The following SNX29 variants were observed in gnomAD, a reference collection of about 807,000 sequenced individuals.
SNX29 encodes the protein sorting nexin 29, also known as sorting nexin-29.
Under a neutral mutation model 102.1 loss-of-function variants are expected in SNX29, and 78 were observed. The ratio of observed to expected loss-of-function variants is 0.76; its 90% CI spans 0.64 to 0.92. The LOEUF (loss-of-function observed/expected upper bound fraction) is 0.92, where lower values mean the gene tolerates loss of function less well. Ranked by LOEUF, SNX29 falls within the 40% of genes least tolerant of loss-of-function variation. The probability of loss-of-function intolerance (pLI) is 0.00; values close to 1 mark genes in which losing one functional copy is unlikely to be tolerated. For synonymous variants in SNX29, 580 were observed against 414.5 expected (o/e 1.40, Z -4.85); for missense variants, 1,280 against 1,061.7 (o/e 1.21, Z -2.86).
rs1030848156 is a variant in SNX29, at chr16:12,573,975, G to A, written c.*5346G>A. The A allele has an allele frequency of 2.5e-5, 5 of 199,250 alleles. No individual in the cohort carries two copies. The highest frequency in any genetic ancestry group is 5.2e-5 in the Non-Finnish European group (5 of 96,482). The allele number at this position is 199,250 out of a possible 1,614,324, so 12.3% of individuals were successfully genotyped here. On this transcript the variant is annotated 3_prime_UTR_variant, in exon 21 of 21. Transcript: ENST00000566228. ...GGAGCGATGGTAACCCCACTAGGGGGCGCCCATGATCGGCTCCCAGTGCAC... is the reference window on the plus strand; with the variant it reads ...GGAGCGATGGTAACCCCACTAGGGGACGCCCATGATCGGCTCCCAGTGCAC...
chr16:12,264,113 G>T (rs8061068), intron 14 of SNX29, among the ~76,000 whole-genome samples: 2,408 of 152,292 alleles, frequency 0.016, 63 homozygotes, highest in African/African-American at 0.056. Context: ...ACTGTGTGCC[G>T]GCCAGCTGAG....
intron 20 of SNX29, among the ~76,000 whole-genome samples, chr16:12,555,768 C>G (rs1413509520): frequency 1.3e-5 from 2 of 152,066 alleles, no homozygotes; most frequent in Admixed American, 6.5e-5. Flanking sequence ...AGCCTTCAGG[C>G]TGCTCAGTGG....
chr16:12,459,870 C>A (rs779580814), intron 18 of SNX29, among the ~76,000 whole-genome samples: 1 of 152,154 alleles, frequency 6.6e-6, no homozygotes, highest in Admixed American at 6.5e-5. Context: ...AGTGAACTGG[C>A]CTTTCTTCCT....
intron 16 of SNX29, among the ~76,000 whole-genome samples, chr16:12,367,974 A>G (rs1363868125): frequency 6.6e-6 from 1 of 152,266 alleles, no homozygotes; most frequent in East Asian, 1.9e-4. Context: ...GAAGAAAAGC[A>G]TCTCTTTGGG....
intron 19 of SNX29, among the ~76,000 whole-genome samples, chr16:12,503,379 C>T (rs980744538): frequency 3.3e-5 from 5 of 152,060 alleles, no homozygotes; most frequent in African/African-American, 7.2e-5. Context: ...AGGCTGCTGC[C>T]GAGTGGTGGG....
chr16:12,520,005 AAATAAT>A (rs1320643911), intron 19 of SNX29, among the ~76,000 whole-genome samples: 69 of 151,764 alleles, frequency 4.5e-4, no homozygotes, highest in Non-Finnish European at 8.4e-4. Context: ...ATAAAAATAA[AAATAAT>A]AATAATAATA....
At position 12,403,455 on chromosome 16, in the gene SNX29, C is replaced by T. The variant is rs768258084; in HGVS notation, c.1963C>T (p.Arg655Trp). Residue 655 changes from arginine to tryptophan, a missense_variant, in exon 18 of 21, where the codon CGG (arginine) becomes TGG (tryptophan). By Grantham distance (101) the Arg-to-Trp change is moderately radical. Transcript: ENST00000566228. ...QSLSDFEISN[R>W]ALINVWIPSV... ...TCTCTTCCTTTTGGTTAGATCAAAC[C>T]GGGCGCTGATCAACGTCTGGATCCC... The T allele has an allele frequency of 3.3e-5, 53 of 1,606,478 alleles. No homozygotes were observed. Among genetic ancestry groups the T allele is most frequent in the African/African-American group, 9.4e-5 (7 of 74,742 alleles).
chr16:12,188,853 G>GT (rs1353663383), intron 13 of SNX29, among the ~76,000 whole-genome samples: 70 of 152,346 alleles, frequency 4.6e-4, no homozygotes, highest in African/African-American at 1.6e-3. Flanking sequence ...TCCCCTGGCA[G>GT]CAGCCCTTGC....
intron 13 of SNX29, among the ~76,000 whole-genome samples, chr16:12,146,453 A>G (rs1400041260): frequency 6.6e-6 from 1 of 152,002 alleles, no homozygotes; most frequent in African/African-American, 2.4e-5. Context: ...TTTAATAGAG[A>G]TGGGGTTTTG....
chr16:12,546,452 T>C (rs3751788), intron 20 of SNX29: 82,406 of 151,980 alleles, frequency 0.54, 23,030 homozygotes, highest in East Asian at 0.85. Flanking sequence ...AAACTCTTCC[T>C]TATGAAACCA....
At chr16:12,352,115 C>A (rs188596517) in intron 15 of SNX29, among the ~76,000 whole-genome samples, 1 of 152,206 alleles carries the variant, frequency 6.6e-6, no homozygotes, top group Non-Finnish European at 1.5e-5. Context: ...TGGAACCCAC[C>A]CAAATGTCCA....
Position 12,572,443 on chromosome 16 carries a change from T to G in SNX29, c.*3814T>G, listed in dbSNP as rs1047776185. On this transcript the variant is annotated 3_prime_UTR_variant, in exon 21 of 21. Transcript: ENST00000566228. ...GGCCGGCAGTGGCTGCCTCTCTTGG[T>G]TCTGCATGGTACATTTTGCCAACCC... 186 of 1,062,970 alleles carry G rather than the reference T, an allele frequency of 1.7e-4. No homozygotes were observed. The highest frequency in any genetic ancestry group is 1.4e-3 in the Admixed American group (27 of 18,652). The allele number at this position is 1,062,970 out of a possible 1,614,324, so 65.8% of individuals were successfully genotyped here.
At chr16:12,291,227 A>T (rs1236400635) in intron 15 of SNX29, among the ~76,000 whole-genome samples, 1 of 152,130 alleles carries the variant, frequency 6.6e-6, no homozygotes, top group Non-Finnish European at 1.5e-5. Context: ...CAAGACCGGG[A>T]AGAAAAAGAG....
At position 12,228,918 on chromosome 16, in the gene SNX29, C is replaced by T. The variant is rs549350953; in HGVS notation, c.1678+29235C>T. On this transcript the variant is annotated intron_variant, in intron 14 of 20. Coordinates refer to ENST00000566228, the MANE Select transcript of SNX29 (RefSeq NM_032167.5). Reference sequence around the variant, plus strand: ...AGGCTGCCTCCCTGCAGTGACCACACGAGGGAGCCTCCACCGAGTCTTCTG... The same window carrying T: ...AGGCTGCCTCCCTGCAGTGACCACATGAGGGAGCCTCCACCGAGTCTTCTG... Among the ~76,000 whole-genome samples, 96 of 152,338 alleles carry T rather than the reference C, an allele frequency of 6.3e-4. 1 individual carries two copies. The highest frequency in any genetic ancestry group is 3.4e-3 in the Middle Eastern group (1 of 294).
intron 19 of SNX29, among the ~76,000 whole-genome samples, chr16:12,499,520 A>G (rs2089002425): frequency 6.6e-6 from 1 of 152,250 alleles, no homozygotes; most frequent in South Asian, 2.1e-4. Context: ...TCAGCACCAA[A>G]GACAGGTCCA....
chr16:12,016,495 A>G (rs1245828818), intron 3 of SNX29, among the ~76,000 whole-genome samples: 1 of 152,130 alleles, frequency 6.6e-6, no homozygotes, highest in Non-Finnish European at 1.5e-5. Context: ...TTGCATAGTT[A>G]GTTTTATCTA....
chr16:12,257,501 A>ATCTCTCTCTC (rs111505982), intron 14 of SNX29, among the ~76,000 whole-genome samples: 5 of 149,988 alleles, frequency 3.3e-5, no homozygotes, highest in East Asian at 2.0e-4. Context: ...TACCACTAGC[A>ATCTCTCTCTC]TCTCTCTCTC....
chr16:12,468,648 G>C (rs939904951), intron 18 of SNX29, among the ~76,000 whole-genome samples: 4 of 152,172 alleles, frequency 2.6e-5, no homozygotes, highest in African/African-American at 9.6e-5. Context: ...ACTGAGCCCT[G>C]GGAGGCTGGG....
intron 19 of SNX29, among the ~76,000 whole-genome samples, chr16:12,510,022 C>T (rs909910368): frequency 1.3e-5 from 2 of 152,354 alleles, no homozygotes; most frequent in African/African-American, 4.8e-5. Flanking sequence ...CATTCTTTGG[C>T]TTGGTTCGCC....
Sources: gnomAD v4.1 joint callset for allele counts (sites outside exome capture counted in the v4.1 genomes callset) on GRCh38, gnomAD v4.1.1 for gene constraint, MANE v1.5 for transcripts, NCBI Gene and HGNC (gene_info 2026-07-23, HGNC 2026-07-21) for gene names.